Variants in ADGRL2 observed in about 807,000 individuals in gnomAD.
ADGRL2 encodes the protein calcium-independent alpha-latrotoxin receptor 2.
A neutral mutation model predicts 157.4 loss-of-function variants in ADGRL2; 44 were observed. The observed-to-expected ratio is 0.28, with a 90% CI of 0.22 to 0.36. ADGRL2 has a LOEUF of 0.36. Among genes scored for constraint, ADGRL2 ranks in the 10% least tolerant of loss-of-function variants. The probability of loss-of-function intolerance (pLI) is 1.00; values close to 1 mark genes in which losing one functional copy is unlikely to be tolerated. For missense variants in ADGRL2, 1,510 were observed against 1,768.9 expected, an observed-to-expected ratio of 0.85 and a Z score of 2.63; for synonymous variants, 585 against 624.7, an observed-to-expected ratio of 0.94 and a Z score of 0.95.
At chr1:81,376,922 C>G (rs2076260312) in intron 1 of ADGRL2, among the ~76,000 whole-genome samples, 1 of 152,178 alleles carries the variant, frequency 6.6e-6, no homozygotes, top group Non-Finnish European at 1.5e-5. Flanking sequence ...TGCAGTTGTT[C>G]ACACCTATAA....
At chr1:81,432,349 C>G (rs2077336725) in intron 1 of ADGRL2, among the ~76,000 whole-genome samples, 1 of 152,214 alleles carries the variant, frequency 6.6e-6, no homozygotes. Context: ...GATCAGCAAG[C>G]TGTCTTGATG....
intron 3 of ADGRL2, among the ~76,000 whole-genome samples, chr1:81,921,981 T>C (rs2094991106): frequency 6.6e-6 from 1 of 152,166 alleles, no homozygotes; most frequent in Non-Finnish European, 1.5e-5. Context: ...GTCTGATGTT[T>C]ATGGAGTTAA....
chr1:81,905,352 C>T (rs939976079), intron 2 of ADGRL2, among the ~76,000 whole-genome samples: 3 of 152,140 alleles, frequency 2.0e-5, no homozygotes. Context: ...CCCGCCTCAG[C>T]CTCCCAAAGT....
At chr1:81,675,935 T>C (rs2082978606) in intron 3 of ADGRL2, among the ~76,000 whole-genome samples, 1 of 152,268 alleles carries the variant, frequency 6.6e-6, no homozygotes, top group Non-Finnish European at 1.5e-5. Flanking sequence ...AAATTGGTCC[T>C]AACACCTACT....
intron 1 of ADGRL2, among the ~76,000 whole-genome samples, chr1:81,801,795 C>G (rs1412612047): frequency 1.3e-5 from 2 of 152,190 alleles, no homozygotes; most frequent in East Asian, 1.9e-4. Context: ...CCCTCCCGCC[C>G]GTCGCTTCGA....
intron 3 of ADGRL2, among the ~76,000 whole-genome samples, chr1:81,678,563 C>G (rs1336927456): frequency 1.3e-5 from 2 of 152,056 alleles, no homozygotes; most frequent in Non-Finnish European, 2.9e-5. Context: ...TTTTGTTATT[C>G]CTGGAAAATA....
At chr1:81,496,718 T>C (rs1270146026) in intron 2 of ADGRL2, among the ~76,000 whole-genome samples, 3 of 151,168 alleles carry the variant, frequency 2.0e-5, no homozygotes, top group Non-Finnish European at 4.4e-5. Flanking sequence ...AGAAATTTTA[T>C]AGTGCTTATT....
At chr1:81,969,120 T>G in intron 14 of ADGRL2, 58 bp from the exon 15 acceptor site, 2 of 1,235,148 alleles carry the variant, frequency 1.6e-6, no homozygotes, top group South Asian at 1.3e-5. Context: ...AAAGCTGTCT[T>G]TCTTCTAGTT....
chr1:81,409,773 A>G (rs1057320188), intron 1 of ADGRL2, among the ~76,000 whole-genome samples: 4 of 152,334 alleles, frequency 2.6e-5, no homozygotes, highest in Non-Finnish European at 5.9e-5. Context: ...TAACATCTCA[A>G]AAGAAGAAGT....
intron 1 of ADGRL2, among the ~76,000 whole-genome samples, chr1:81,406,538 G>A (rs1488351549): frequency 6.6e-6 from 1 of 152,142 alleles, no homozygotes; most frequent in Admixed American, 6.5e-5. Flanking sequence ...TACAGCTAGG[G>A]TCAGAGAAAC....
In ADGRL2 at chr1:81,782,947, C is replaced by T. The variant is rs543608311; in HGVS notation, c.-101+21095C>T. Among the ~76,000 whole-genome samples the T allele has an allele frequency of 3.3e-5, 5 of 152,188 alleles. No individual in the cohort carries two copies. In the South Asian group the frequency reaches 6.2e-4, roughly 19 times the overall value. On this transcript the variant is annotated intron_variant, in intron 2 of 20. Coordinates refer to the ADGRL2 transcript ENST00000359929. ...AGGGATGGAAGGACAAGTAATTGGC[C>T]GGCTTTATCATTTAGTGAGTTCTCT...
At chr1:81,356,285 A>G in intron 1 of ADGRL2, among the ~76,000 whole-genome samples, 1 of 152,250 alleles carries the variant, frequency 6.6e-6, no homozygotes, top group East Asian at 1.9e-4. Context: ...CTTAGGTTAT[A>G]CATTGCAAAA....
intron 11 of ADGRL2, among the ~76,000 whole-genome samples, chr1:81,960,278 T>C (rs1426702734): frequency 6.6e-6 from 1 of 152,134 alleles, no homozygotes; most frequent in East Asian, 1.9e-4. Context: ...ATGCTGATGG[T>C]TAGATTTAGA....
At chr1:81,426,190 TA>T (rs2077212453) in intron 1 of ADGRL2, among the ~76,000 whole-genome samples, 2 of 152,288 alleles carry the variant, frequency 1.3e-5, no homozygotes, top group Middle Eastern at 6.8e-3. Flanking sequence ...GACCTAATGA[TA>T]AACTGGGCAG....
intron 1 of ADGRL2, among the ~76,000 whole-genome samples, chr1:81,744,334 C>A (rs2085172543): frequency 6.6e-6 from 1 of 152,068 alleles, no homozygotes; most frequent in Admixed American, 6.6e-5. Context: ...ATATAATCCC[C>A]ATTTTACAAA....
At chr1:81,880,921 T>C (rs2093971078) in intron 2 of ADGRL2, among the ~76,000 whole-genome samples, 1 of 151,932 alleles carries the variant, frequency 6.6e-6, no homozygotes, top group African/African-American at 2.4e-5. Context: ...ATCCCTACTT[T>C]AACCAGCGAA....
At chr1:81,311,738 T>A (rs1659769306) in intron 1 of ADGRL2, among the ~76,000 whole-genome samples, 1 of 152,170 alleles carries the variant, frequency 6.6e-6, no homozygotes, top group Non-Finnish European at 1.5e-5. Context: ...CATGCTTAAT[T>A]TTAAAAATTG....
At chr1:81,976,513 T>C (rs780427612) in intron 17 of ADGRL2, among the ~76,000 whole-genome samples, 2 of 152,050 alleles carry the variant, frequency 1.3e-5, no homozygotes, top group African/African-American at 2.4e-5. Flanking sequence ...CTCAAAGTTA[T>C]GATTATTTTT....
intron 2 of ADGRL2, among the ~76,000 whole-genome samples, chr1:81,563,539 T>C (rs1370899024): frequency 6.6e-6 from 1 of 152,208 alleles, no homozygotes; most frequent in Non-Finnish European, 1.5e-5. Context: ...GCCTGTATGA[T>C]GTAGATGGCA....
Sources: allele counts gnomAD v4.1 joint callset (sites outside exome capture counted in the v4.1 genomes callset), GRCh38; gene constraint gnomAD v4.1.1; transcripts MANE v1.5; gene names NCBI Gene and HGNC (gene_info 2026-07-23, HGNC 2026-07-21).